Variants in ARHGAP24 observed in about 807,000 individuals in gnomAD.
ARHGAP24 encodes the protein rho GTPase-activating protein 24.
A neutral mutation model predicts 76.4 loss-of-function variants in ARHGAP24; 50 were observed. That is an observed-to-expected ratio of 0.65 (90% CI 0.52 to 0.83). ARHGAP24 has a LOEUF of 0.83. ARHGAP24 is among the 40% of genes least tolerant of loss of function. The pLI is 0.00. For missense variants in ARHGAP24, 930 were observed against 914.2 expected, an observed-to-expected ratio of 1.02 and a Z score of -0.22; for synonymous variants, 345 against 323.3, an observed-to-expected ratio of 1.07 and a Z score of -0.72.
chr4:85,514,817 TAAAAAAAAAAAAAAA>T, intron 1 of ARHGAP24, among the ~76,000 whole-genome samples: 2 of 82,494 alleles, frequency 2.4e-5, no homozygotes, highest in African/African-American at 9.3e-5. Context: ...CTCTAAATTG[TAAAAAAAAAAAAAAA>T]AAAAAAAAAA....
chr4:85,501,557 C>A (rs1191378733), intron 1 of ARHGAP24, among the ~76,000 whole-genome samples: 1 of 152,102 alleles, frequency 6.6e-6, no homozygotes, highest in Non-Finnish European at 1.5e-5. Context: ...CCTTTACCCA[C>A]TTTTTGATGG....
At chr4:85,799,159 A>G (rs1454124096) in intron 3 of ARHGAP24, among the ~76,000 whole-genome samples, 1 of 152,182 alleles carries the variant, frequency 6.6e-6, no homozygotes, top group East Asian at 1.9e-4. Flanking sequence ...GTGAGGCCCC[A>G]GTAACAGTGA....
At chr4:85,702,814 T>C (rs566535125) in intron 2 of ARHGAP24, among the ~76,000 whole-genome samples, 14 of 152,252 alleles carry the variant, frequency 9.2e-5, no homozygotes, top group African/African-American at 2.9e-4. Context: ...TTTTGAATAT[T>C]TCACTTCAGC....
intron 3 of ARHGAP24, among the ~76,000 whole-genome samples, chr4:85,806,365 CTTAG>C (rs1327459745): frequency 2.0e-5 from 3 of 152,270 alleles, no homozygotes; most frequent in East Asian, 1.9e-4. Context: ...TTCACAGAAG[CTTAG>C]TTAGTATAAT....
Position 85,475,417 on chromosome 4 carries a change from A to G in ARHGAP24, c.-163A>G, listed in dbSNP as rs28419344. ...CGCTGCGGAGCAGCCCAGTGCATAG[A>G]GTTCAACACTTCCCCTTGTTGTGGA... On this transcript the variant is annotated 5_prime_UTR_variant, in exon 1 of 10. Coordinates refer to ENST00000395184, the MANE Select transcript of ARHGAP24 (RefSeq NM_001025616.3). 12,487 of 152,650 alleles carry G rather than the reference A, an allele frequency of 0.082. 1,477 individuals carry two copies. Among genetic ancestry groups the G allele is most frequent in the African/African-American group, 0.27 (11,053 of 41,436 alleles). The allele number at this position is 152,650 out of a possible 1,614,324, so 9.5% of individuals were successfully genotyped here.
intron 3 of ARHGAP24, among the ~76,000 whole-genome samples, chr4:85,858,239 A>G (rs76222027): frequency 0.041 from 6,296 of 152,258 alleles, 447 homozygotes; most frequent in African/African-American, 0.14. Flanking sequence ...ACATTTGTGA[A>G]ACAAACAAAG....
intron 3 of ARHGAP24, among the ~76,000 whole-genome samples, chr4:85,853,663 A>G (rs1731374169): frequency 6.6e-6 from 1 of 152,200 alleles, no homozygotes. Flanking sequence ...ACAGTGGCTC[A>G]CACCTGTAAT....
intron 4 of ARHGAP24, among the ~76,000 whole-genome samples, chr4:85,939,554 A>G (rs1711808735): frequency 6.6e-6 from 1 of 152,212 alleles, no homozygotes; most frequent in South Asian, 2.1e-4. Flanking sequence ...AATATAATAA[A>G]TAATGAATTT....
intron 3 of ARHGAP24, among the ~76,000 whole-genome samples, chr4:85,797,246 C>T (rs2110100805): frequency 6.6e-6 from 1 of 152,056 alleles, no homozygotes; most frequent in Admixed American, 6.5e-5. Context: ...AATCTCGGCT[C>T]ACTGCAAGCT....
Position 85,977,620 on chromosome 4 carries a change from A to C in ARHGAP24, c.857A>C (p.Gln286Pro). The change falls in exon 8 of 10, where the codon CAG becomes CCG. Residue 286 changes from glutamine to proline, a missense_variant. Gln to Pro is a moderately conservative substitution (Grantham distance 76). Coordinates refer to ENST00000395184, the MANE Select transcript of ARHGAP24 (RefSeq NM_001025616.3). ...TCGGGAGTTAACAAAATGAGTGTGC[A>C]GAACTTGGCAACGGTCTTTGGTCCT... ...SYSGVNKMSV[Q>P]NLATVFGPNI... The C allele has an allele frequency of 1.9e-6, 3 of 1,613,986 alleles. No individual in the cohort carries two copies. The highest frequency in any genetic ancestry group is 2.5e-6 in the Non-Finnish European group (3 of 1,179,866).
chr4:85,488,920 G>A (rs1382906291), intron 1 of ARHGAP24, among the ~76,000 whole-genome samples: 3 of 152,124 alleles, frequency 2.0e-5, no homozygotes, highest in East Asian at 1.9e-4. Context: ...AACCCTAAAG[G>A]CAGCTGAAAA....
intron 5 of ARHGAP24, among the ~76,000 whole-genome samples, chr4:85,960,830 G>A (rs886716463): frequency 7.2e-5 from 11 of 152,172 alleles, no homozygotes; most frequent in African/African-American, 2.6e-4. Flanking sequence ...CTATGAATGG[G>A]TTCAAAATTT....
At chr4:85,984,626 G>A (rs1452839979) in intron 8 of ARHGAP24, among the ~76,000 whole-genome samples, 3 of 152,126 alleles carry the variant, frequency 2.0e-5, no homozygotes, top group African/African-American at 4.8e-5. Flanking sequence ...AAAGATCAGG[G>A]TGCATCCAAG....
At chr4:85,849,680 G>T (rs1277034958) in intron 3 of ARHGAP24, among the ~76,000 whole-genome samples, 12 of 152,120 alleles carry the variant, frequency 7.9e-5, no homozygotes, top group Non-Finnish European at 1.5e-4. Flanking sequence ...TTTATTGAAG[G>T]CCTTTTCTGC....
chr4:85,567,431 G>A (rs114226977), intron 1 of ARHGAP24, among the ~76,000 whole-genome samples: 2,786 of 152,284 alleles, frequency 0.018, 101 homozygotes, highest in African/African-American at 0.063. Context: ...TATCCGGGGT[G>A]AGGAAGAGTT....
intron 1 of ARHGAP24, among the ~76,000 whole-genome samples, chr4:85,482,364 T>C (rs1304950741): frequency 6.6e-6 from 1 of 152,230 alleles, no homozygotes; most frequent in South Asian, 2.1e-4. Flanking sequence ...TGACAACTTA[T>C]GCTTTCATCG....
In ARHGAP24 at chr4:85,722,390, A is replaced by T. The variant is rs144343695; in HGVS notation, c.268+418A>T. On this transcript the variant is annotated intron_variant, in intron 3 of 9. Coordinates refer to ENST00000395184, the MANE Select transcript of ARHGAP24 (RefSeq NM_001025616.3). Reference sequence around the variant, plus strand: ...CAAGGAGGTTTTGCAAAAAACAAAAAAAAAAACAAAAAACAAACAAACAAA... The same window carrying T: ...CAAGGAGGTTTTGCAAAAAACAAAATAAAAAACAAAAAACAAACAAACAAA... 115 of 202,356 alleles carry T rather than the reference A, an allele frequency of 5.7e-4. 1 individual carries two copies. Among genetic ancestry groups the T allele is most frequent in the African/African-American group, 2.6e-3 (109 of 42,142 alleles). The allele number at this position is 202,356 out of a possible 1,614,324, so 12.5% of individuals were successfully genotyped here.
chr4:85,782,058 AAAAAG>A (rs201721659), intron 3 of ARHGAP24, among the ~76,000 whole-genome samples: 55,138 of 110,714 alleles, frequency 0.5, 11,589 homozygotes, highest in East Asian at 0.73. Flanking sequence ...AAAAGAAAAA[AAAAAG>A]AAAAAAAAAA....
chr4:85,567,567 C>T (rs1726898243), intron 1 of ARHGAP24, among the ~76,000 whole-genome samples: 1 of 152,128 alleles, frequency 6.6e-6, no homozygotes, highest in Admixed American at 6.5e-5. Context: ...CTTTTAGACA[C>T]TTAGTATGAA....
Sources: gnomAD v4.1 joint callset for allele counts (sites outside exome capture counted in the v4.1 genomes callset) on GRCh38, gnomAD v4.1.1 for gene constraint, MANE v1.5 for transcripts, NCBI Gene and HGNC (gene_info 2026-07-23, HGNC 2026-07-21) for gene names.